Variants in SLC36A3 observed in about 807,000 individuals in gnomAD.
SLC36A3 encodes the protein proton-coupled amino acid transporter 3.
Under a neutral mutation model 44.3 loss-of-function variants are expected in SLC36A3, and 35 were observed. The observed-to-expected ratio is 0.79, with a 90% confidence interval of 0.60 to 1.05. The LOEUF is 1.05. Ranked by LOEUF, SLC36A3 falls within the 50% of genes least tolerant of loss-of-function variation. The pLI, the probability that SLC36A3 is intolerant of heterozygous loss-of-function variation, is 0.00. For missense variants in SLC36A3, 540 were observed against 578.7 expected (o/e 0.93, Z 0.69); for synonymous variants, 211 against 227.6 (o/e 0.93, Z 0.66).
chr5:151,294,737 C>T (rs902901439), intron 3 of SLC36A3, among the ~76,000 whole-genome samples: 1 of 151,828 alleles, frequency 6.6e-6, no homozygotes, highest in African/African-American at 2.4e-5. Context: ...TCAAGCGATT[C>T]TCCTGCCTCA....
rs747905223 is a variant in SLC36A3 at position 151,296,238 on chromosome 5, C to A, written c.250G>T (p.Val84Phe). ...ATGACCATGCAGTGCACGGTGAGGA[C>A]CCCGATGGCCAGAAGGCTGACAGGA... Reference protein sequence around the residue: ...VGPVSLLAIGVLTVHCMVILL... With the variant: ...VGPVSLLAIGFLTVHCMVILL... The change falls in exon 3 of 10, where the codon GTC becomes TTC. Residue 84 changes from valine (V) to phenylalanine (F), a missense_variant. Coordinates refer to ENST00000335230, the MANE Select transcript of SLC36A3 (RefSeq NM_181774.4). 8 of 1,613,986 alleles carry A rather than the reference C, an allele frequency of 5.0e-6. No individual in the cohort carries two copies. Among genetic ancestry groups the A allele is most frequent in the Non-Finnish European group, 6.8e-6 (8 of 1,180,022 alleles).
intron 1 of SLC36A3, among the ~76,000 whole-genome samples, chr5:151,302,994 C>T (rs1755216228): frequency 2.0e-5 from 3 of 152,104 alleles, no homozygotes; most frequent in Admixed American, 6.6e-5. Flanking sequence ...ACAAGCTGCT[C>T]ATGTTGAGGG....
At chr5:151,298,413 C>A in intron 2 of SLC36A3, 180 bp downstream of exon 2, 3 of 607,762 alleles carry the variant, frequency 4.9e-6, no homozygotes, top group Non-Finnish European at 8.8e-6. Flanking sequence ...GGTGTGCCCC[C>A]TTCAGGGATG....
intron 3 of SLC36A3, among the ~76,000 whole-genome samples, chr5:151,294,211 G>T (rs1423656140): frequency 6.6e-6 from 1 of 152,218 alleles, no homozygotes; most frequent in East Asian, 1.9e-4. Context: ...TTCACATGCA[G>T]TCTGGATTTT....
intron 9 of SLC36A3, among the ~76,000 whole-genome samples, chr5:151,278,796 A>G (rs909995622): frequency 2.6e-5 from 4 of 152,204 alleles, no homozygotes; most frequent in African/African-American, 4.8e-5. Context: ...CCTTCATCCA[A>G]TGTTTAATAA....
At chr5:151,282,675 T>C (rs1754368368) in intron 8 of SLC36A3, among the ~76,000 whole-genome samples, 1 of 152,198 alleles carries the variant, frequency 6.6e-6, no homozygotes, top group Non-Finnish European at 1.5e-5. Flanking sequence ...TTAATGCACA[T>C]ATAATATAAA....
chr5:151,278,041 C>A (rs1408573261), intron 9 of SLC36A3, among the ~76,000 whole-genome samples: 2 of 152,124 alleles, frequency 1.3e-5, no homozygotes, highest in African/African-American at 4.8e-5. Flanking sequence ...CCTTTTCACT[C>A]TACTATGCTG....
intron 4 of SLC36A3, among the ~76,000 whole-genome samples, chr5:151,289,833 T>TATGCCA (rs1754689646): frequency 6.6e-6 from 1 of 152,220 alleles, no homozygotes; most frequent in Non-Finnish European, 1.5e-5. Context: ...TTTGCTTTGT[T>TATGCCA]GGTGACTGCC....
chr5:151,278,807 G>A (rs1469994402), intron 9 of SLC36A3, among the ~76,000 whole-genome samples: 3 of 152,188 alleles, frequency 2.0e-5, no homozygotes, highest in Non-Finnish European at 4.4e-5. Flanking sequence ...TGTTTAATAA[G>A]CCGCTTATAG....
intron 5 of SLC36A3, among the ~76,000 whole-genome samples, chr5:151,288,110 A>C (rs1754613276): frequency 6.6e-6 from 1 of 152,230 alleles, no homozygotes; most frequent in Non-Finnish European, 1.5e-5. Context: ...AAATGTCACC[A>C]GTGTTTTTCA....
intron 1 of SLC36A3, among the ~76,000 whole-genome samples, chr5:151,299,264 C>CTCTCTCTCTCTCTCTCTATATATA (rs1372309288): frequency 3.4e-5 from 2 of 59,646 alleles, no homozygotes; most frequent in Non-Finnish European, 6.2e-5. Context: ...CTCTCTCTCT[C>CTCTCTCTCTCTCTCTCTATATATA]TATATATATA....
intron 4 of SLC36A3, among the ~76,000 whole-genome samples, chr5:151,289,435 G>A (rs1273786637): frequency 6.6e-6 from 1 of 151,740 alleles, no homozygotes. Flanking sequence ...GGTTGAGGCT[G>A]CAGTGAGCCA....
rs766725424 is a variant in SLC36A3 at position 151,298,638 on chromosome 5, T to A, written c.174A>T (p.Thr58=). The A allele has an allele frequency of 1.9e-6, 3 of 1,614,104 alleles. No homozygotes were observed. The highest frequency in any genetic ancestry group is 3.3e-5 in the Admixed American group (2 of 60,010). Residue 58 remains threonine (T), a synonymous_variant, in exon 2 of 10, where the codon ACA becomes ACT. Transcript: ENST00000335230. ...TGGCCAGGGGAAGCCCCAGGAGCCCTGTGCCAATGTTGCATTTCAACAAGT... is the reference window on the plus strand; with the variant it reads ...TGGCCAGGGGAAGCCCCAGGAGCCCAGTGCCAATGTTGCATTTCAACAAGT... ...LIHLLKCNIG[T]GLLGLPLAIK... is the part of the protein sequence containing the mutation.
chr5:151,281,324 A>G, intron 8 of SLC36A3, 141 bp from the exon 9 acceptor site: 1 of 755,650 alleles, frequency 1.3e-6, no homozygotes, highest in South Asian at 1.9e-5. Flanking sequence ...AATCCAAAAC[A>G]CTTCTGGTCC....
chr5:151,277,803 C>T, intron 9 of SLC36A3, 142 bp from the exon 10 acceptor site: 2 of 883,378 alleles, frequency 2.3e-6, no homozygotes, highest in Non-Finnish European at 3.4e-6. Flanking sequence ...GGAGGTCAGG[C>T]AACTCCCACC....
intron 9 of SLC36A3, among the ~76,000 whole-genome samples, chr5:151,278,526 T>C (rs1039675191): frequency 5.3e-5 from 8 of 152,250 alleles, no homozygotes; most frequent in African/African-American, 1.9e-4. Flanking sequence ...TAATTCAATA[T>C]GTTTATATAA....
chr5:151,277,388 G>C lies in SLC36A3; in HGVS notation c.*5C>G, dbSNP rs1754126722. Reference sequence around the variant, plus strand: ...AGGGAGAGCTATTAGAATAAAAACAGATAATTATGCATGGACACCTGTGGA... The same window carrying C: ...AGGGAGAGCTATTAGAATAAAAACACATAATTATGCATGGACACCTGTGGA... On this transcript the variant is annotated 3_prime_UTR_variant, in exon 10 of 10. Transcript: ENST00000335230. The C allele has an allele frequency of 6.2e-7, 1 of 1,613,494 alleles. No homozygotes were observed. The highest frequency in any genetic ancestry group is 1.3e-5 in the African/African-American group (1 of 74,912).
chr5:151,293,559 T>C, intron 3 of SLC36A3, 100 bp from the exon 4 acceptor site: 1 of 912,336 alleles, frequency 1.1e-6, no homozygotes, highest in Admixed American at 2.8e-5. Context: ...TGTGTGAGCA[T>C]GAAGCCTTCT....
rs930003579 is a variant in SLC36A3, at chr5:151,284,304, C to T, written c.808-94G>A. ...TTCCCGTACAAGCACAAATGTCCTT[C>T]CCCAGGTGGGCCCAGTATCAGAAAG... On this transcript the variant is annotated intron_variant, in intron 7 of 9. Coordinates refer to ENST00000335230, the MANE Select transcript of SLC36A3 (RefSeq NM_181774.4). The T allele has an allele frequency of 4.6e-6, 6 of 1,302,486 alleles. No individual in the cohort carries two copies. The South Asian group carries it at 5.9e-5, about 13-fold the overall frequency. 80.7% of individuals were successfully genotyped at this position (1,302,486 alleles called of 1,614,324 possible).
Sources: allele counts gnomAD v4.1 joint callset (sites outside exome capture counted in the v4.1 genomes callset), GRCh38; gene constraint gnomAD v4.1.1; transcripts MANE v1.5; gene names NCBI Gene and HGNC (gene_info 2026-07-23, HGNC 2026-07-21).